DAAM2: variants seen among roughly 807,000 people sequenced by gnomAD.
DAAM2 encodes the protein disheveled-associated activator of morphogenesis 2.
A neutral mutation model predicts 120.7 loss-of-function variants in DAAM2; 39 were observed. The ratio of observed to expected loss-of-function variants is 0.32; its 90% confidence interval spans 0.25 to 0.42. DAAM2 has a LOEUF of 0.42. Ranked by LOEUF, DAAM2 falls within the 10% of genes least tolerant of loss-of-function variation. The probability of loss-of-function intolerance (pLI) is 1.00; values close to 1 mark genes in which losing one functional copy is unlikely to be tolerated. For synonymous variants in DAAM2, 488 were observed against 524.9 expected, an observed-to-expected ratio of 0.93 and a Z score of 0.96; for missense variants, 1,283 against 1,401.7, an observed-to-expected ratio of 0.92 and a Z score of 1.35.
Position 39,878,339 on chromosome 6 carries a change from G to C in DAAM2, c.1361-65G>C. ...CAGCCCATAACTCCATGCCCTTCCA[G>C]GCAGGGAGTCACATTACTCACATTC... On this transcript the variant is annotated intron_variant, in intron 12 of 24. Coordinates refer to ENST00000274867, the MANE Select transcript of DAAM2 (RefSeq NM_001201427.2). This position sits in a 1 kb window ranked among gnomAD's most constrained non-coding sequence, Gnocchi z 5.0. The C allele has an allele frequency of 1.2e-6, 2 of 1,610,220 alleles. No individual in the cohort carries two copies. Among genetic ancestry groups the C allele is most frequent in the South Asian group, 2.2e-5 (2 of 90,624 alleles).
At chr6:39,825,714 C>T (rs1056006491) in intron 1 of DAAM2, among the ~76,000 whole-genome samples, 16 of 152,088 alleles carry the variant, frequency 1.1e-4, no homozygotes, top group African/African-American at 3.6e-4. Flanking sequence ...TTCTGCACCC[C>T]GATATCTGTA....
chr6:39,806,965 A>G (rs1762026863), intron 1 of DAAM2, among the ~76,000 whole-genome samples: 2 of 152,168 alleles, frequency 1.3e-5, no homozygotes, highest in Admixed American at 1.3e-4. Flanking sequence ...ATTTGACACT[A>G]TCTGGTAAAA....
intron 1 of DAAM2, among the ~76,000 whole-genome samples, chr6:39,827,245 C>T (rs1762705931): frequency 7.1e-6 from 1 of 139,986 alleles, no homozygotes; most frequent in South Asian, 2.3e-4. Flanking sequence ...AGGCAAGTAG[C>T]CTGCTTCTTG....
In DAAM2 at chr6:39,903,555, G is replaced by T. The variant is rs1766607573; in HGVS notation, c.*1518G>T. ...CGAGTTGGCCTTTCATCTTCTTTGA[G>T]ACTGGCCCTGCCTAACCTCTACCAT... On this transcript the variant is annotated 3_prime_UTR_variant, in exon 25 of 25. Coordinates refer to ENST00000274867, the MANE Select transcript of DAAM2 (RefSeq NM_001201427.2). The T allele has an allele frequency of 6.6e-6, 1 of 152,430 alleles. No individual in the cohort carries two copies. Among genetic ancestry groups the T allele is most frequent in the African/African-American group, 2.4e-5 (1 of 41,432 alleles). 9.4% of individuals were successfully genotyped at this position (152,430 alleles called of 1,614,324 possible).
intron 1 of DAAM2, among the ~76,000 whole-genome samples, chr6:39,839,082 T>C (rs770709318): frequency 1.3e-5 from 2 of 152,152 alleles, no homozygotes; most frequent in Non-Finnish European, 2.9e-5. Context: ...GGGTCTAGGC[T>C]AGGCATTGTT....
intron 1 of DAAM2, among the ~76,000 whole-genome samples, chr6:39,833,232 A>AT (rs1332661142): frequency 6.6e-6 from 1 of 151,782 alleles, no homozygotes; most frequent in Non-Finnish European, 1.5e-5. Context: ...TACTAGAAAG[A>AT]TTTTCTTTTT....
chr6:39,871,211 A>G (rs777648342), intron 8 of DAAM2, among the ~76,000 whole-genome samples: 4 of 152,158 alleles, frequency 2.6e-5, no homozygotes, highest in South Asian at 2.1e-4. Flanking sequence ...CTCACAGATC[A>G]GCCTCCCACA....
intron 15 of DAAM2, chr6:39,886,530 G>A: frequency 5.0e-6 from 2 of 398,988 alleles, no homozygotes; most frequent in Non-Finnish European, 8.8e-6. Flanking sequence ...TGACAGAGAG[G>A]ACTTGTCCAT....
intron 1 of DAAM2, among the ~76,000 whole-genome samples, chr6:39,806,092 G>A (rs1025941173): frequency 3.9e-5 from 6 of 152,172 alleles, no homozygotes; most frequent in South Asian, 4.1e-4. Context: ...GGGACATATA[G>A]ATGAGTCCTC....
chr6:39,832,449 TAGC>T (rs1451553806), intron 1 of DAAM2, among the ~76,000 whole-genome samples: 2 of 152,166 alleles, frequency 1.3e-5, no homozygotes, highest in Non-Finnish European at 2.9e-5. Flanking sequence ...GATGACATAA[TAGC>T]AGCTCATATT....
chr6:39,868,587 C>T (rs935483073), intron 6 of DAAM2: 6 of 539,054 alleles, frequency 1.1e-5, no homozygotes, highest in Non-Finnish European at 2.0e-5. Context: ...AGACCAAGCC[C>T]CAAAGGCTGA....
intron 1 of DAAM2, among the ~76,000 whole-genome samples, chr6:39,846,572 C>T (rs553737930): frequency 7.3e-4 from 111 of 152,282 alleles, no homozygotes; most frequent in Admixed American, 3.3e-3. Context: ...TACTCTACGA[C>T]GCCTCCTCTA....
At position 39,884,082 on chromosome 6, in the gene DAAM2, A is replaced by T. The variant is rs369257027; in HGVS notation, c.1953+13A>T. Reference sequence around the variant, plus strand: ...CCAGAGGCACCAGGTAAGACCCTATACCCTCTGGCCTCTTGGACCATACCC... The same window carrying T: ...CCAGAGGCACCAGGTAAGACCCTATTCCCTCTGGCCTCTTGGACCATACCC... On this transcript the variant is annotated intron_variant, in intron 15 of 24. Coordinates refer to ENST00000274867, the MANE Select transcript of DAAM2 (RefSeq NM_001201427.2). 24 of 1,437,240 alleles carry T rather than the reference A, an allele frequency of 1.7e-5. No individual in the cohort carries two copies. The highest frequency in any genetic ancestry group is 2.2e-5 in the Non-Finnish European group (23 of 1,026,102). The allele number at this position is 1,437,240 out of a possible 1,614,324, so 89.0% of individuals were successfully genotyped here.
chr6:39,867,470 CAT>C (rs1764477857), intron 5 of DAAM2, 38 bp from the exon 6 acceptor site: 1 of 1,590,812 alleles, frequency 6.3e-7, no homozygotes, highest in Non-Finnish European at 8.6e-7. Flanking sequence ...TACACAGAAT[CAT>C]ATGCAAATAT....
In DAAM2 at chr6:39,900,074, C is replaced by T; in HGVS notation, c.2680-3C>T. 1 of 1,600,342 alleles carries T rather than the reference C, an allele frequency of 6.2e-7. No individual in the cohort carries two copies. The highest frequency in any genetic ancestry group is 8.5e-7 in the Non-Finnish European group (1 of 1,173,614). On this transcript the variant is annotated splice_region_variant and splice_polypyrimidine_tract_variant and intron_variant, in intron 22 of 24. Coordinates refer to ENST00000274867, the MANE Select transcript of DAAM2 (RefSeq NM_001201427.2). ...TAAGCAGCACTTCACCCTCCCTCCT[C>T]AGGAGCTGGAGTATCAGAGGCGCCA...
chr6:39,802,665 T>C (rs1459641532), intron 1 of DAAM2, among the ~76,000 whole-genome samples: 1 of 152,202 alleles, frequency 6.6e-6, no homozygotes, highest in Admixed American at 6.5e-5. Flanking sequence ...CAGTGCCTTT[T>C]GCTGTCTACT....
intron 1 of DAAM2, chr6:39,792,935 T>G (rs1388279598): frequency 6.6e-6 from 1 of 152,200 alleles, no homozygotes; most frequent in African/African-American, 2.4e-5. Flanking sequence ...CTTGCAGGCC[T>G]GGCCTCTGGC....
At chr6:39,828,969 C>T (rs559097968) in intron 1 of DAAM2, among the ~76,000 whole-genome samples, 113 of 152,324 alleles carry the variant, frequency 7.4e-4, no homozygotes, top group Non-Finnish European at 1.4e-3. Flanking sequence ...CAAACCATAG[C>T]ACAGTTCCAC....
intron 1 of DAAM2, among the ~76,000 whole-genome samples, chr6:39,804,582 A>C (rs1761958765): frequency 6.6e-6 from 1 of 152,096 alleles, no homozygotes; most frequent in Non-Finnish European, 1.5e-5. Context: ...ACACATACAA[A>C]GGACAAAGAA....
Sources: allele counts gnomAD v4.1 joint callset (sites outside exome capture counted in the v4.1 genomes callset), GRCh38; gene constraint gnomAD v4.1.1; non-coding constraint Gnocchi (gnomAD v3.1); transcripts MANE v1.5; gene names NCBI Gene and HGNC (gene_info 2026-07-23, HGNC 2026-07-21).